The following YJU2B variants were observed in gnomAD, a reference collection of about 807,000 sequenced individuals.
YJU2B encodes YJU2 splicing factor homolog B, also known as probable splicing factor YJU2B.
YJU2B carries 18 observed loss-of-function variants against 38.0 expected under a neutral mutation model. That is an observed-to-expected ratio of 0.47 (90% CI 0.33 to 0.70). The LOEUF (loss-of-function observed/expected upper bound fraction) is 0.70, where lower values mean the gene tolerates loss of function less well. Ranked by LOEUF, YJU2B falls within the 30% of genes least tolerant of loss-of-function variation. The pLI, the probability that YJU2B is intolerant of heterozygous loss-of-function variation, is 0.02. For synonymous variants in YJU2B, 246 were observed against 225.4 expected (o/e 1.09, Z -0.82); for missense variants, 538 against 556.3 (o/e 0.97, Z 0.33).
chr19:13,745,608 G>A (rs74183035), upstream of YJU2B, among the ~76,000 whole-genome samples: 45,116 of 150,318 alleles, frequency 0.3, 7,197 homozygotes, highest in Middle Eastern at 0.52. Context: ...CCAAGATTGT[G>A]CCTTTGCTCT....
At chr19:13,738,162 G>A (rs1394848472) in intron 2 of YJU2B, among the ~76,000 whole-genome samples, 1 of 152,194 alleles carries the variant, frequency 6.6e-6, no homozygotes, top group East Asian at 1.9e-4. Context: ...AATTAGTGAA[G>A]CATGACTTTT....
intron 8 of YJU2B, chr19:13,761,428 C>T (rs1274567018): frequency 6.6e-6 from 1 of 152,468 alleles, no homozygotes; most frequent in Non-Finnish European, 1.5e-5. Context: ...ATGGAACCGC[C>T]CAGCCCATCC....
In YJU2B at chr19:13,756,248, C is replaced by G. The variant is rs572583906; in HGVS notation, c.109C>G (p.Arg37Gly). 1 of 1,614,088 alleles carries G rather than the reference C, an allele frequency of 6.2e-7. No homozygotes were observed. Among genetic ancestry groups the G allele is most frequent in the Non-Finnish European group, 8.5e-7 (1 of 1,180,004 alleles). ...HNSHPLRERA[R>G]KLSQGILIIR... Reference sequence around the variant, plus strand: ...CAGCCACCCGCTTCGGGAGCGGGCTCGGAAGCTGTCACAGGGCATCCTCAT... The same window carrying G: ...CAGCCACCCGCTTCGGGAGCGGGCTGGGAAGCTGTCACAGGGCATCCTCAT... Residue 37 changes from arginine (R) to glycine (G), a missense_variant, in exon 4 of 10, where the codon CGG becomes GGG. Physicochemically the swap from Arg to Gly is moderately radical, Grantham distance 125. Coordinates refer to ENST00000221554, the MANE Select transcript of YJU2B (RefSeq NM_030818.4).
At chr19:13,743,221 A>G (rs2145098808), upstream of YJU2B, among the ~76,000 whole-genome samples, 1 of 152,326 alleles carries the variant, frequency 6.6e-6, no homozygotes, top group East Asian at 1.9e-4. Flanking sequence ...CATGGAGATT[A>G]CACATTGGTT....
chr19:13,740,531 T>TTTTG (rs888166334), intron 2 of YJU2B, among the ~76,000 whole-genome samples: 117 of 151,886 alleles, frequency 7.7e-4, no homozygotes, highest in Non-Finnish European at 8.0e-4. Flanking sequence ...TTTTTTGTTT[T>TTTTG]TTTGTTTGTT....
Position 13,759,259 on chromosome 19 carries a change from G to C in YJU2B, c.560G>C (p.Arg187Pro). Reference sequence around the variant, plus strand: ...GACTTCGCCCTCAACAGCATGCTGCGGAGAAGGTTCCGGGTGAGGGGGGCT... The same window carrying C: ...GACTTCGCCCTCAACAGCATGCTGCCGAGAAGGTTCCGGGTGAGGGGGGCT... ...KDDFALNSMLRRRFREKKKAI... is the reference protein window; with the variant it reads ...KDDFALNSMLPRRFREKKKAI... The change falls in exon 8 of 10, where the codon CGG becomes CCG. Residue 187 changes from arginine to proline, a missense_variant. By Grantham distance (103) the Arg-to-Pro change is moderately radical (BLOSUM62 -2). This residue lies in a region of YJU2B where 488 missense variants were observed against 469.5 expected (regional missense o/e 1.04). Coordinates refer to ENST00000221554, the MANE Select transcript of YJU2B (RefSeq NM_030818.4). 6.2e-7 allele frequency: 1 copy of C among 1,607,476 alleles called. No individual in the cohort carries two copies.
chr19:13,740,096 G>A (rs1973053619), intron 2 of YJU2B, among the ~76,000 whole-genome samples: 1 of 152,124 alleles, frequency 6.6e-6, no homozygotes, highest in African/African-American at 2.4e-5. Flanking sequence ...AAGAAAATGT[G>A]GCACATATAT....
intron 2 of YJU2B, among the ~76,000 whole-genome samples, chr19:13,735,188 G>C (rs1420191056): frequency 6.6e-6 from 1 of 152,116 alleles, no homozygotes; most frequent in Non-Finnish European, 1.5e-5. Context: ...ATGGTGGTGG[G>C]CACCTGTAGT....
At chr19:13,746,229 G>A (rs1414950810), upstream of YJU2B, among the ~76,000 whole-genome samples, 1 of 151,846 alleles carries the variant, frequency 6.6e-6, no homozygotes, top group Non-Finnish European at 1.5e-5. Context: ...TCCAGCCTGA[G>A]TGACAGTGAG....
intron 6 of YJU2B, 87 bp from the exon 7 acceptor site, chr19:13,758,781 T>C: frequency 2.0e-6 from 3 of 1,491,870 alleles, no homozygotes; most frequent in South Asian, 1.2e-5. Context: ...AATGACACCA[T>C]TGGGTGGAAG....
Position 13,763,106 on chromosome 19 carries a change from C to T in YJU2B, c.*38C>T, listed in dbSNP as rs1973985067. On this transcript the variant is annotated 3_prime_UTR_variant, in exon 10 of 10. Coordinates refer to ENST00000221554, the MANE Select transcript of YJU2B (RefSeq NM_030818.4). Reference sequence around the variant, plus strand: ...CTGGAGACTGGACCCGCTCTAGAGGCCCGGACACACCCAGGAGGCCCCTCA... The same window carrying T: ...CTGGAGACTGGACCCGCTCTAGAGGTCCGGACACACCCAGGAGGCCCCTCA... The T allele has an allele frequency of 6.7e-7, 1 of 1,484,926 alleles. No individual in the cohort carries two copies. Among genetic ancestry groups the T allele is most frequent in the Non-Finnish European group, 9.0e-7 (1 of 1,107,144 alleles). The allele number at this position is 1,484,926 out of a possible 1,614,324, so 92.0% of individuals were successfully genotyped here.
upstream of YJU2B, among the ~76,000 whole-genome samples, chr19:13,745,896 G>A (rs1460999644): frequency 6.6e-6 from 1 of 152,000 alleles, no homozygotes; most frequent in East Asian, 1.9e-4. Flanking sequence ...TATAGCAGGT[G>A]TCCAATGAAC....
chr19:13,757,541 G>A, intron 5 of YJU2B, 68 bp downstream of exon 5: 1 of 1,373,170 alleles, frequency 7.3e-7, no homozygotes, highest in Non-Finnish European at 1.0e-6. Flanking sequence ...GATGCCGCCG[G>A]GGTGGGGGTG....
At chr19:13,738,835 A>C (rs1183127756) in intron 2 of YJU2B, among the ~76,000 whole-genome samples, 1 of 149,054 alleles carries the variant, frequency 6.7e-6, no homozygotes, top group Non-Finnish European at 1.5e-5. Flanking sequence ...GCTTGCAGTG[A>C]GCCGAGATCG....
intron 2 of YJU2B, among the ~76,000 whole-genome samples, chr19:13,741,278 C>T (rs1973088306): frequency 6.6e-6 from 1 of 151,456 alleles, no homozygotes; most frequent in South Asian, 2.1e-4. Context: ...CCTCAGCCTC[C>T]TGAGTAGCTG....
chr19:13,735,639 G>A (rs1317089200), intron 2 of YJU2B, among the ~76,000 whole-genome samples: 1 of 151,680 alleles, frequency 6.6e-6, no homozygotes, highest in Non-Finnish European at 1.5e-5. Flanking sequence ...TATTCCTGAT[G>A]CTAATGGGTA....
Position 13,756,212 on chromosome 19 carries a change from C to T in YJU2B, c.73C>T (p.Arg25Ter), listed in dbSNP as rs1287727461. Residue 25 changes from arginine to a stop codon, truncating the protein, a stop_gained, in exon 4 of 10, where the codon CGA becomes TGA. Transcript: ENST00000221554. LOFTEE classifies it high-confidence loss of function. ...CTCCACACAGCATGGCTCTCTCAAC[C>T]GATACCACAACAGCCACCCGCTTCG... ...FNPEKHGSLN[R>*]YHNSHPLRER... is the part of the protein sequence containing the mutation. 2 of 1,613,904 alleles carry T rather than the reference C, an allele frequency of 1.2e-6. No individual in the cohort carries two copies. Among genetic ancestry groups the T allele is most frequent in the Admixed American group, 1.7e-5 (1 of 59,980 alleles).
In YJU2B at chr19:13,762,700, C is replaced by G. The variant is rs1481330161; in HGVS notation, c.823C>G (p.Leu275Val). 2 of 1,605,082 alleles carry G rather than the reference C, an allele frequency of 1.2e-6. No homozygotes were observed. The highest frequency in any genetic ancestry group is 2.2e-5 in the East Asian group (1 of 44,854). ...CAAGGTCAGCGGCGTCCTGAAGAAG[C>G]TGGCACAGAGCCGCAGAACCGCGCT... ...SSKVSGVLKK[L>V]AQSRRTALAT... Residue 275 changes from leucine (L) to valine (V), a missense_variant, in exon 10 of 10, where the codon CTG becomes GTG. Physicochemically the swap from Leu to Val is conservative, Grantham distance 32. Transcript: ENST00000221554.
chr19:13,756,340 G>C lies in YJU2B; in HGVS notation c.140+61G>C, dbSNP rs576187914. On this transcript the variant is annotated intron_variant, in intron 4 of 9. Transcript: ENST00000221554. ...TGCCCCATTCCTTCAGTCTCAAGGA[G>C]AGTTCAGTGCCCTCATTGGCCCAGT... The C allele has an allele frequency of 2.1e-5, 28 of 1,362,926 alleles. No individual in the cohort carries two copies. In the South Asian group the frequency reaches 3.3e-4, roughly 16 times the overall value. 84.4% of individuals were successfully genotyped at this position (1,362,926 alleles called of 1,614,324 possible).
Sources: allele counts gnomAD v4.1 joint callset (sites outside exome capture counted in the v4.1 genomes callset), GRCh38; gene constraint gnomAD v4.1.1; regional missense constraint gnomAD v4.1.1; transcripts MANE v1.5; gene names NCBI Gene and HGNC (gene_info 2026-07-23, HGNC 2026-07-21).